Variants in SCARA3 observed in about 807,000 individuals in gnomAD.
SCARA3 encodes the protein scavenger receptor class A member 3.
SCARA3 carries 39 observed loss-of-function variants against 47.0 expected under a neutral mutation model. That is an observed-to-expected ratio of 0.83 (90% CI 0.64 to 1.08). The LOEUF is 1.08. Ranked by LOEUF, SCARA3 falls within the 50% of genes least tolerant of loss-of-function variation. The pLI is 0.00. For missense variants in SCARA3, 724 were observed against 792.3 expected (o/e 0.91, Z 1.04); for synonymous variants, 356 against 334.1 (o/e 1.07, Z -0.71).
the SCARA3 span, among the ~76,000 whole-genome samples, chr8:27,712,013 T>C: frequency 6.6e-6 from 1 of 152,186 alleles, no homozygotes; most frequent in East Asian, 1.9e-4. Flanking sequence ...ACCATTACAG[T>C]AGGAGAATAA....
rs574378346 is a variant in SCARA3, at chr8:27,660,848, A to T, written c.1369+1309A>T. Reference sequence around the variant, plus strand: ...ATAGAAGATAGCTAGCTAGCTAGATAGATAGATAGATAGATAGATAGATAG... The same window carrying T: ...ATAGAAGATAGCTAGCTAGCTAGATTGATAGATAGATAGATAGATAGATAG... On this transcript the variant is annotated intron_variant, in intron 5 of 5. Transcript: ENST00000301904. Among the ~76,000 whole-genome samples, 756 of 93,132 alleles carry T rather than the reference A, an allele frequency of 8.1e-3. 3 individuals are homozygous for T. Among genetic ancestry groups the T allele is most frequent in the Non-Finnish European group, 0.013 (523 of 38,954 alleles). 61.1% of individuals were successfully genotyped at this position (93,132 alleles called of 152,430 possible).
rs1563414450 is a variant in SCARA3 at position 27,670,999 on chromosome 8, G to A, written c.1469G>A (p.Gly490Asp). ...RGPKGDPGSL[G>D]PLGPQGPQGQ... ...CCGAAAGGAGACCCCGGCAGCTTGG[G>A]CCCCCTGGGACCCCAGGGTCCTCAG... The change falls in exon 6 of 6, where the codon GGC becomes GAC. Residue 490 changes from glycine to aspartate, a missense_variant. Gly to Asp is a moderately conservative substitution (Grantham distance 94, BLOSUM62 -1). Transcript: ENST00000301904. 14 of 1,609,018 alleles carry A rather than the reference G, an allele frequency of 8.7e-6. No homozygotes were observed. The highest frequency in any genetic ancestry group is 1.2e-5 in the Non-Finnish European group (14 of 1,178,694).
intron 1 of SCARA3, among the ~76,000 whole-genome samples, chr8:27,649,304 C>T (rs1801579905): frequency 6.6e-6 from 1 of 152,208 alleles, no homozygotes; most frequent in Non-Finnish European, 1.5e-5. Context: ...CAGATTCAGC[C>T]TTGTCCCTGG....
chr8:27,654,057 T>A (rs2128919311), intron 3 of SCARA3, among the ~76,000 whole-genome samples: 1 of 152,286 alleles, frequency 6.6e-6, no homozygotes, highest in South Asian at 2.1e-4. Context: ...AGAGCAGTGA[T>A]CCCTAAACTT....
At chr8:27,713,774 G>C in the SCARA3 span, among the ~76,000 whole-genome samples, 1 of 152,148 alleles carries the variant, frequency 6.6e-6, no homozygotes, top group African/African-American at 2.4e-5. Flanking sequence ...AAGGAAACCA[G>C]TTCCTTTTTG....
chr8:27,670,798 G>C, intron 5 of SCARA3, 102 bp from the exon 6 acceptor site: 2 of 929,862 alleles, frequency 2.2e-6, no homozygotes, highest in Non-Finnish European at 3.2e-6. Context: ...CGCTGGACTT[G>C]TTCAACCCTC....
In SCARA3 at chr8:27,659,429, T is replaced by C; in HGVS notation, c.1259T>C (p.Leu420Pro). The change falls in exon 5 of 6, where the codon CTC (leucine) becomes CCC (proline). Residue 420 changes from leucine to proline, a missense_variant. Transcript: ENST00000301904. ...TDLLRERFSL[L>P]SARLDLNVRN... ...CTGCTCCGGGAGCGCTTCAGCCTGC[T>C]CAGTGCCCGGCTGGACCTCAACGTC... The C allele has an allele frequency of 6.2e-7, 1 of 1,613,858 alleles. No individual in the cohort carries two copies. The highest frequency in any genetic ancestry group is 8.5e-7 in the Non-Finnish European group (1 of 1,179,896).
chr8:27,688,644 G>A, the SCARA3 span, among the ~76,000 whole-genome samples: 9 of 152,150 alleles, frequency 5.9e-5, no homozygotes, highest in African/African-American at 1.7e-4. Context: ...CAGGGGTAGG[G>A]AGAGAGCAAA....
chr8:27,715,126 A>G, the SCARA3 span, among the ~76,000 whole-genome samples: 53 of 151,960 alleles, frequency 3.5e-4, no homozygotes, highest in Admixed American at 5.2e-4. This position sits in a 1 kb window ranked among gnomAD's most constrained non-coding sequence, Gnocchi z 4.2. Flanking sequence ...AGATCTCTCT[A>G]TGGTGTTCAG....
intron 1 of SCARA3, among the ~76,000 whole-genome samples, chr8:27,643,935 A>T (rs35800643): frequency 2.0e-5 from 3 of 152,186 alleles, no homozygotes; most frequent in African/African-American, 7.2e-5. Context: ...CAGTTGGTTA[A>T]CAGGTCCGGG....
At chr8:27,653,570 C>CGCGTGTGTGTGTGTGTGT (rs1801679154) in intron 3 of SCARA3, among the ~76,000 whole-genome samples, 1 of 145,196 alleles carries the variant, frequency 6.9e-6, no homozygotes, top group Non-Finnish European at 1.5e-5. Context: ...ATTTGTAAAG[C>CGCGTGTGTGTGTGTGTGT]GTGTGTGTGT....
Position 27,672,482 on chromosome 8 carries a change from G to A in SCARA3, c.*1131G>A. ...TGGTGGGGAGGATTAGGCTGCAGAA[G>A]GGCCAACCCCTTGCAACAGGGCAGC... On this transcript the variant is annotated 3_prime_UTR_variant, in exon 6 of 6. Coordinates refer to ENST00000301904, the MANE Select transcript of SCARA3 (RefSeq NM_016240.3). 1.0e-6 allele frequency: 1 copy of A among 985,578 alleles called. No individual in the cohort carries two copies. The highest frequency in any genetic ancestry group is 1.2e-6 in the Non-Finnish European group (1 of 830,030). 61.1% of individuals were successfully genotyped at this position (985,578 alleles called of 1,614,324 possible).
At chr8:27,685,621 G>A in the SCARA3 span, among the ~76,000 whole-genome samples, 1 of 152,146 alleles carries the variant, frequency 6.6e-6, no homozygotes, top group Non-Finnish European at 1.5e-5. Context: ...TACCCAAAAT[G>A]CCCACATCTT....
chr8:27,644,213 AGCCTTGGCCTTG>A (rs763037907), intron 1 of SCARA3, among the ~76,000 whole-genome samples: 4 of 152,242 alleles, frequency 2.6e-5, no homozygotes, highest in Admixed American at 1.3e-4. Context: ...CTGGGTTTGC[AGCCTTGGCCTTG>A]GCCTTGGCCT....
the SCARA3 span, among the ~76,000 whole-genome samples, chr8:27,699,890 A>G: frequency 6.6e-6 from 1 of 152,376 alleles, no homozygotes; most frequent in Middle Eastern, 3.4e-3. Flanking sequence ...ATTGAGATCC[A>G]GAAATAGATT....
chr8:27,652,120 G>T (rs895377166), intron 3 of SCARA3, among the ~76,000 whole-genome samples: 9 of 152,290 alleles, frequency 5.9e-5, no homozygotes, highest in Admixed American at 1.3e-4. Flanking sequence ...TTCACCTCCA[G>T]TATTTGTTAA....
intron 5 of SCARA3, among the ~76,000 whole-genome samples, chr8:27,660,468 T>C (rs1009404885): frequency 7.3e-5 from 11 of 149,912 alleles, no homozygotes; most frequent in East Asian, 2.0e-4. Context: ...TGTATAGAGA[T>C]AGATGATAGG....
chr8:27,647,704 C>G (rs1801536707), intron 1 of SCARA3, among the ~76,000 whole-genome samples: 3 of 152,164 alleles, frequency 2.0e-5, no homozygotes, highest in African/African-American at 4.8e-5. Flanking sequence ...GGCAACAGGG[C>G]CTTACGCTAG....
At chr8:27,648,035 T>G (rs1801544947) in intron 1 of SCARA3, among the ~76,000 whole-genome samples, 1 of 152,202 alleles carries the variant, frequency 6.6e-6, no homozygotes, top group African/African-American at 2.4e-5. Context: ...ACCACCCTCT[T>G]CTTGTCTACC....
Sources: allele counts gnomAD v4.1 joint callset (sites outside exome capture counted in the v4.1 genomes callset), GRCh38; gene constraint gnomAD v4.1.1; non-coding constraint Gnocchi (gnomAD v3.1); transcripts MANE v1.5; gene names NCBI Gene and HGNC (gene_info 2026-07-23, HGNC 2026-07-21).